SYT16: variants seen among roughly 807,000 people sequenced by gnomAD.
The protein encoded by SYT16 is synaptotagmin-16.
SYT16 carries 42 observed loss-of-function variants against 61.4 expected under a neutral mutation model. That is an observed-to-expected ratio of 0.68 (90% CI 0.53 to 0.89). The LOEUF is 0.89. SYT16 is among the 40% of genes least tolerant of loss of function. The pLI is 0.00. For missense variants in SYT16, 804 were observed against 807.3 expected (o/e 1.00, Z 0.05); for synonymous variants, 314 against 302.3 (o/e 1.04, Z -0.40).
In SYT16 at chr14:61,822,112, A is replaced by C. The variant is rs191394217; in HGVS notation, c.-325+9302A>C. ...GAGCCTGGTAGCATGGCTCAGTCCAATTCCGAAAGCCTCAAAACTGGGGAA... is the reference window on the plus strand; with the variant it reads ...GAGCCTGGTAGCATGGCTCAGTCCACTTCCGAAAGCCTCAAAACTGGGGAA... On this transcript the variant is annotated intron_variant, in intron 1 of 7. Coordinates refer to ENST00000683842, the MANE Select transcript of SYT16 (RefSeq NM_001367656.1). 2.6e-3 allele frequency among the ~76,000 whole-genome samples: 398 copies of C among 152,340 alleles called. 2 individuals carry two copies. Among genetic ancestry groups the C allele is most frequent in the African/African-American group, 9.2e-3 (381 of 41,586 alleles).
chr14:61,815,683 A>G (rs1258211791), intron 1 of SYT16, among the ~76,000 whole-genome samples: 1 of 152,168 alleles, frequency 6.6e-6, no homozygotes, highest in African/African-American at 2.4e-5. Context: ...GAGAGCTTCA[A>G]CTAGGTTTTC....
chr14:61,855,252 C>T (rs1039224514), intron 1 of SYT16, among the ~76,000 whole-genome samples: 1 of 152,192 alleles, frequency 6.6e-6, no homozygotes, highest in African/African-American at 2.4e-5. Flanking sequence ...GTTTATCTTG[C>T]ACCTATTGGT....
chr14:62,102,974 A>G lies in SYT16; in HGVS notation c.*2267A>G, dbSNP rs572531513. The G allele has an allele frequency of 6.6e-6, 1 of 152,308 alleles. No individual in the cohort carries two copies. The highest frequency in any genetic ancestry group is 2.1e-4 in the South Asian group (1 of 4,822). The allele number at this position is 152,308 out of a possible 1,614,324, so 9.4% of individuals were successfully genotyped here. ...CCATTTTAAGGGAAGGAATGCCTGA[A>G]AACATTTTTTATTTTTATAATTTTA... On this transcript the variant is annotated 3_prime_UTR_variant, in exon 8 of 8. Coordinates refer to ENST00000683842, the MANE Select transcript of SYT16 (RefSeq NM_001367656.1).
intron 1 of SYT16, among the ~76,000 whole-genome samples, chr14:61,954,518 G>A (rs1595003762): frequency 6.6e-6 from 1 of 152,052 alleles, no homozygotes; most frequent in African/African-American, 2.4e-5. Flanking sequence ...TGAACTGTGT[G>A]ACCAAACTTT....
At chr14:62,032,691 A>G (rs2140811440) in intron 3 of SYT16, among the ~76,000 whole-genome samples, 1 of 151,948 alleles carries the variant, frequency 6.6e-6, no homozygotes, top group East Asian at 1.9e-4. Context: ...TAATATTGAC[A>G]GATCGTGGAG....
chr14:61,986,930 G>T (rs529853204), intron 2 of SYT16, among the ~76,000 whole-genome samples: 2 of 152,130 alleles, frequency 1.3e-5, no homozygotes, highest in East Asian at 3.9e-4. Flanking sequence ...CTGACAACAT[G>T]GCAAAGACAA....
chr14:61,930,783 T>C (rs184924459), intron 1 of SYT16, among the ~76,000 whole-genome samples: 1 of 152,018 alleles, frequency 6.6e-6, no homozygotes, highest in Non-Finnish European at 1.5e-5. Context: ...GTCAGAGTAA[T>C]GTGATATAAG....
At chr14:61,991,614 G>A (rs748389528) in intron 2 of SYT16, among the ~76,000 whole-genome samples, 15 of 152,136 alleles carry the variant, frequency 9.9e-5, no homozygotes, top group Non-Finnish European at 2.2e-4. Context: ...GATTCTAGCT[G>A]TAGGTTTCAT....
intron 5 of SYT16, among the ~76,000 whole-genome samples, chr14:62,076,528 G>A (rs1016891444): frequency 2.6e-5 from 4 of 152,040 alleles, no homozygotes; most frequent in Non-Finnish European, 5.9e-5. Flanking sequence ...TATCTAAGGA[G>A]GGGTATGCAT....
intron 3 of SYT16, among the ~76,000 whole-genome samples, chr14:61,998,316 A>G (rs1052130663): frequency 1.3e-5 from 2 of 151,970 alleles, no homozygotes; most frequent in African/African-American, 4.8e-5. Context: ...TGGTTTTGTT[A>G]TGTCAGAAAA....
At chr14:62,045,500 G>A (rs1175384324) in intron 3 of SYT16, among the ~76,000 whole-genome samples, 1 of 151,920 alleles carries the variant, frequency 6.6e-6, no homozygotes, top group Non-Finnish European at 1.5e-5. Flanking sequence ...TGTACACAAC[G>A]TGCAGGTTTG....
intron 3 of SYT16, among the ~76,000 whole-genome samples, chr14:62,052,193 A>T (rs565768102): frequency 6.6e-6 from 1 of 152,264 alleles, no homozygotes; most frequent in African/African-American, 2.4e-5. Context: ...GCTTTCTAAT[A>T]TGTGCATTAG....
chr14:61,844,423 CA>C (rs2046383482), intron 1 of SYT16, among the ~76,000 whole-genome samples: 1 of 152,038 alleles, frequency 6.6e-6, no homozygotes, highest in Non-Finnish European at 1.5e-5. Context: ...AGTATTATGT[CA>C]AATAACAGTG....
intron 6 of SYT16, among the ~76,000 whole-genome samples, chr14:62,083,381 G>A (rs553250159): frequency 6.6e-6 from 1 of 152,274 alleles, no homozygotes; most frequent in East Asian, 1.9e-4. Context: ...CCCCCACAGG[G>A]TCGATTCCTA....
intron 1 of SYT16, among the ~76,000 whole-genome samples, chr14:61,897,685 C>T (rs2048371295): frequency 6.6e-6 from 1 of 152,028 alleles, no homozygotes; most frequent in Non-Finnish European, 1.5e-5. Context: ...ATTTGCTCCC[C>T]AAGTCAAGAA....
intron 3 of SYT16, among the ~76,000 whole-genome samples, chr14:62,000,106 T>G (rs1384198996): frequency 7.5e-6 from 1 of 133,340 alleles, no homozygotes; most frequent in Non-Finnish European, 1.6e-5. Context: ...TCGATTTTTT[T>G]TTTTTTTTTT....
At chr14:61,994,071 T>C (rs2052667286) in intron 2 of SYT16, among the ~76,000 whole-genome samples, 1 of 152,214 alleles carries the variant, frequency 6.6e-6, no homozygotes, top group South Asian at 2.1e-4. Flanking sequence ...GTATGTAGTA[T>C]GTGAGGGAAC....
chr14:62,110,569 A>G lies in SYT16; in HGVS notation c.*9862A>G, dbSNP rs1213343079. On this transcript the variant is annotated 3_prime_UTR_variant, in exon 8 of 8. Transcript: ENST00000683842. Reference sequence around the variant, plus strand: ...TTAGAGCTCTGCCAATCAGTGGGCCATATTCATAGAATGTCAGTAATCTGT... The same window carrying G: ...TTAGAGCTCTGCCAATCAGTGGGCCGTATTCATAGAATGTCAGTAATCTGT... The G allele has an allele frequency of 5.3e-5, 8 of 152,286 alleles. No individual in the cohort carries two copies. In the East Asian group the frequency reaches 1.5e-3, roughly 29 times the overall value. The allele number at this position is 152,286 out of a possible 1,614,324, so 9.4% of individuals were successfully genotyped here.
intron 3 of SYT16, among the ~76,000 whole-genome samples, chr14:62,037,673 A>G (rs149741435): frequency 5.1e-4 from 77 of 152,340 alleles, no homozygotes; most frequent in Non-Finnish European, 9.8e-4. Flanking sequence ...CCACTGGGGT[A>G]TTAAATAATA....
Sources: gnomAD v4.1 joint callset for allele counts (sites outside exome capture counted in the v4.1 genomes callset) on GRCh38, gnomAD v4.1.1 for gene constraint, MANE v1.5 for transcripts, NCBI Gene and HGNC (gene_info 2026-07-23, HGNC 2026-07-21) for gene names.